Variants in GRID2 observed in about 807,000 individuals in gnomAD.
The protein encoded by GRID2 is glutamate ionotropic receptor delta type subunit 2.
A neutral mutation model predicts 114.8 loss-of-function variants in GRID2; 33 were observed. That is an observed-to-expected ratio of 0.29 (90% CI 0.22 to 0.38). The LOEUF is 0.38. Among genes scored for constraint, GRID2 ranks in the 10% least tolerant of loss-of-function variants. The pLI, the probability that GRID2 is intolerant of heterozygous loss-of-function variation, is 1.00. For missense variants in GRID2, 1,184 were observed against 1,257.7 expected, an observed-to-expected ratio of 0.94 and a Z score of 0.89; for synonymous variants, 505 against 449.9, an observed-to-expected ratio of 1.12 and a Z score of -1.55.
At chr4:92,946,240 A>C (rs968008416) in intron 2 of GRID2, among the ~76,000 whole-genome samples, 7 of 152,118 alleles carry the variant, frequency 4.6e-5, no homozygotes, top group Admixed American at 4.6e-4. Flanking sequence ...ATTTTTTCTT[A>C]CAATATATAC....
At chr4:93,266,634 G>A (rs1169723766) in intron 8 of GRID2, among the ~76,000 whole-genome samples, 1 of 152,034 alleles carries the variant, frequency 6.6e-6, no homozygotes, top group Non-Finnish European at 1.5e-5. Flanking sequence ...GGCTGGTCTC[G>A]AACTCCTGAC....
intron 8 of GRID2, among the ~76,000 whole-genome samples, chr4:93,258,394 A>G (rs1319998584): frequency 1.3e-5 from 2 of 151,860 alleles, no homozygotes; most frequent in East Asian, 3.9e-4. Context: ...ACCTCTCCCA[A>G]AAAGCTAATG....
intron 13 of GRID2, among the ~76,000 whole-genome samples, chr4:93,567,872 A>G (rs1215152937): frequency 6.6e-6 from 1 of 152,232 alleles, no homozygotes; most frequent in East Asian, 1.9e-4. Flanking sequence ...TAAATGTTTT[A>G]TAGGCTGTCT....
chr4:93,224,974 G>A (rs569567401), intron 7 of GRID2, among the ~76,000 whole-genome samples, 199 bp downstream of exon 7: 18 of 152,108 alleles, frequency 1.2e-4, no homozygotes, highest in African/African-American at 3.9e-4. Context: ...ATTTATAAGG[G>A]AGTTTTAAGC....
intron 1 of GRID2, among the ~76,000 whole-genome samples, chr4:92,455,710 A>C (rs1183489244): frequency 6.6e-6 from 1 of 152,164 alleles, no homozygotes; most frequent in East Asian, 1.9e-4. Context: ...GTGAGGCACG[A>C]GAGAGGGGAA....
intron 11 of GRID2, among the ~76,000 whole-genome samples, chr4:93,483,947 T>C (rs1385353125): frequency 6.6e-6 from 1 of 151,778 alleles, no homozygotes; most frequent in Admixed American, 6.6e-5. Context: ...TTTTTTTTAA[T>C]TTGGCACATA....
At chr4:93,737,893 T>C (rs1255169895) in intron 14 of GRID2, among the ~76,000 whole-genome samples, 3 of 152,164 alleles carry the variant, frequency 2.0e-5, no homozygotes, top group African/African-American at 7.2e-5. Flanking sequence ...TATTGTCTTA[T>C]TGCAAGCTAA....
intron 2 of GRID2, among the ~76,000 whole-genome samples, chr4:92,769,558 C>A (rs1468730050): frequency 6.6e-6 from 1 of 152,212 alleles, no homozygotes; most frequent in African/African-American, 2.4e-5. Context: ...AGAGCACCAT[C>A]CCTGCAGCAA....
chr4:92,391,427 A>G (rs1482202910), intron 1 of GRID2, among the ~76,000 whole-genome samples: 1 of 152,126 alleles, frequency 6.6e-6, no homozygotes, highest in African/African-American at 2.4e-5. Context: ...GAATATAAAT[A>G]TTAAATAATA....
intron 8 of GRID2, among the ~76,000 whole-genome samples, chr4:93,333,272 A>G (rs1336071344): frequency 6.6e-6 from 1 of 152,136 alleles, no homozygotes; most frequent in Non-Finnish European, 1.5e-5. Flanking sequence ...TTTAGAAGGT[A>G]TAGAATGAAG....
rs115070102 is a variant in GRID2 at position 92,474,116 on chromosome 4, G to A, written c.89-116015G>A. Among the ~76,000 whole-genome samples, 1,292 of 151,756 alleles carry A rather than the reference G, an allele frequency of 8.5e-3. 19 individuals carry two copies. Among genetic ancestry groups the A allele is most frequent in the African/African-American group, 0.03 (1,230 of 41,368 alleles). The stretch of plus-strand genomic sequence containing the variant: ...CAACATGTTAAAAATTATGTCTCCA[G>A]GACTTATTCATCTTATGAATGAAAG... On this transcript the variant is annotated intron_variant, in intron 1 of 15. Transcript: ENST00000282020.
intron 11 of GRID2, among the ~76,000 whole-genome samples, chr4:93,473,085 T>C (rs879588994): frequency 2.0e-5 from 3 of 152,212 alleles, no homozygotes; most frequent in Non-Finnish European, 4.4e-5. Flanking sequence ...TTGACATCTA[T>C]TTTTTCCTTT....
At chr4:93,167,849 A>G (rs1415938940) in intron 4 of GRID2, among the ~76,000 whole-genome samples, 2 of 152,066 alleles carry the variant, frequency 1.3e-5, no homozygotes, top group Non-Finnish European at 2.9e-5. Context: ...GAAAAATTTT[A>G]TAGATTTGTT....
intron 2 of GRID2, among the ~76,000 whole-genome samples, chr4:92,928,037 G>T (rs189684180): frequency 6.6e-6 from 1 of 151,680 alleles, no homozygotes; most frequent in African/African-American, 2.4e-5. Flanking sequence ...TGCTCAACCT[G>T]TATAAGCATC....
intron 1 of GRID2, among the ~76,000 whole-genome samples, chr4:92,487,434 C>T (rs1173929018): frequency 1.3e-5 from 2 of 151,840 alleles, no homozygotes; most frequent in African/African-American, 4.8e-5. Context: ...CTAGAACAGG[C>T]CTTCTGACAT....
intron 4 of GRID2, among the ~76,000 whole-genome samples, chr4:93,150,750 C>G (rs1343415283): frequency 6.6e-6 from 1 of 152,036 alleles, no homozygotes; most frequent in Non-Finnish European, 1.5e-5. Flanking sequence ...GTCCTGAACC[C>G]TGGACCTCTG....
intron 1 of GRID2, among the ~76,000 whole-genome samples, chr4:92,404,428 C>T (rs976004301): frequency 1.1e-4 from 16 of 152,104 alleles, no homozygotes; most frequent in Non-Finnish European, 2.1e-4. Flanking sequence ...TGCTTTTACA[C>T]CGTTGGTGGG....
At chr4:93,457,581 A>G (rs977603191) in intron 11 of GRID2, among the ~76,000 whole-genome samples, 3 of 152,188 alleles carry the variant, frequency 2.0e-5, no homozygotes, top group African/African-American at 7.2e-5. Flanking sequence ...AAGTCAGACA[A>G]ATTAGAAGAC....
intron 8 of GRID2, among the ~76,000 whole-genome samples, chr4:93,253,943 A>C (rs1015265294): frequency 6.6e-6 from 1 of 152,092 alleles, no homozygotes; most frequent in Non-Finnish European, 1.5e-5. Context: ...AAATATTTTG[A>C]GGACCTGTTA....
Sources: gnomAD v4.1 joint callset for allele counts (sites outside exome capture counted in the v4.1 genomes callset) on GRCh38, gnomAD v4.1.1 for gene constraint, MANE v1.5 for transcripts, NCBI Gene and HGNC (gene_info 2026-07-23, HGNC 2026-07-21) for gene names.